Variants in BPTF observed in about 807,000 individuals in gnomAD.
BPTF encodes nucleosome-remodeling factor subunit BPTF.
BPTF carries 18 observed loss-of-function variants against 292.5 expected under a neutral mutation model. The observed-to-expected ratio is 0.06, with a 90% confidence interval of 0.04 to 0.09. The LOEUF is 0.09. Ranked by LOEUF, BPTF falls within the 10% of genes least tolerant of loss-of-function variation. The pLI is 1.00. For missense variants in BPTF, 2,726 were observed against 3,498.7 expected, an observed-to-expected ratio of 0.78 and a Z score of 5.57; for synonymous variants, 1,225 against 1,251.9, an observed-to-expected ratio of 0.98 and a Z score of 0.45.
chr17:67,837,981 T>G (rs2057263798), intron 1 of BPTF, among the ~76,000 whole-genome samples: 1 of 152,318 alleles, frequency 6.6e-6, no homozygotes. Context: ...CATAGAGAAG[T>G]CATTCTTGTG....
Position 67,911,436 on chromosome 17 carries a change from C to T in BPTF, c.3552C>T (p.Ser1184=). 6.2e-7 allele frequency: 1 copy of T among 1,614,080 alleles called. No homozygotes were observed. The highest frequency in any genetic ancestry group is 8.5e-7 in the Non-Finnish European group (1 of 1,179,994). The change falls in exon 11 of 28, where the codon TCC becomes TCT. Residue 1184 remains serine (S), a synonymous_variant. Transcript: ENST00000306378. The part of the protein sequence containing the change: ...SPETKCPKQN[S]IENDIEEKVS... ...AAACAAAATGTCCGAAACAAAATTC[C>T]ATTGAAAATGACATAGAAGAAAAAG...
intron 26 of BPTF, chr17:67,974,121 C>G (rs2069111346): frequency 6.6e-6 from 1 of 152,152 alleles, no homozygotes; most frequent in African/African-American, 2.4e-5. Flanking sequence ...AATGTGTTGT[C>G]TGTCTACCCT....
At chr17:67,839,184 T>C (rs1217220993) in intron 1 of BPTF, among the ~76,000 whole-genome samples, 1 of 151,268 alleles carries the variant, frequency 6.6e-6, no homozygotes, top group Non-Finnish European at 1.5e-5. Flanking sequence ...TCCAAAGCAA[T>C]GTTAAATGTT....
intron 1 of BPTF, among the ~76,000 whole-genome samples, chr17:67,839,498 G>T (rs574557506): frequency 1.3e-5 from 2 of 152,206 alleles, no homozygotes; most frequent in African/African-American, 4.8e-5. Flanking sequence ...TTACATTCCT[G>T]CAGCAAACCT....
rs533722586 is a variant in BPTF at position 67,974,068 on chromosome 17, A to G, written c.8540-1704A>G. On this transcript the variant is annotated intron_variant, in intron 26 of 27. Transcript: ENST00000306378. ...CTTTTATTTATTGGTTGAACTTCCA[A>G]ATCACTTTCAAATTCTAAAATATTC... 3.9e-5 allele frequency: 6 copies of G among 152,312 alleles called. 1 individual carries two copies. The highest frequency in any genetic ancestry group is 1.4e-4 in the African/African-American group (6 of 41,566). The allele number at this position is 152,312 out of a possible 1,614,324, so 9.4% of individuals were successfully genotyped here. A position where few individuals can be genotyped will look rare whatever the true frequency, so the allele number is the denominator to read the frequency against.
intron 22 of BPTF, 92 bp downstream of exon 22, chr17:67,947,900 T>C (rs779658350): frequency 3.0e-6 from 4 of 1,329,028 alleles, no homozygotes; most frequent in Admixed American, 2.4e-5. Flanking sequence ...TTTATCTTGA[T>C]TGAAGTTCAT....
At chr17:67,953,260 CTT>C (rs57310551) in intron 23 of BPTF, among the ~76,000 whole-genome samples, 8 of 122,878 alleles carry the variant, frequency 6.5e-5, no homozygotes, top group Non-Finnish European at 5.2e-5. Context: ...CGCGCCTGGC[CTT>C]TTTTTTTTTT....
chr17:67,844,747 T>A (rs1259509891), intron 1 of BPTF, among the ~76,000 whole-genome samples: 10 of 151,916 alleles, frequency 6.6e-5, no homozygotes, highest in South Asian at 2.1e-4. Context: ...CTGATTTTTT[T>A]ATTTATTTTT....
intron 2 of BPTF, among the ~76,000 whole-genome samples, chr17:67,858,435 GT>G (rs1200858157): frequency 1.7e-4 from 26 of 151,882 alleles, no homozygotes; most frequent in Non-Finnish European, 3.7e-4. Context: ...AAAGTTTAAA[GT>G]TTACTGCTCT....
Position 67,866,518 on chromosome 17 carries a change from G to T in BPTF, c.1491G>T (p.Lys497Asn). 6.2e-7 allele frequency: 1 copy of T among 1,614,072 alleles called. No homozygotes were observed. Among genetic ancestry groups the T allele is most frequent in the Non-Finnish European group, 8.5e-7 (1 of 1,179,976 alleles). Residue 497 changes from lysine (K) to asparagine (N), a missense_variant, in exon 3 of 28, where the codon AAG (lysine) becomes AAT (asparagine). By Grantham distance (94) the Lys-to-Asn change is moderately conservative. Around this residue, in one of 22 missense-constraint regions of BPTF, gnomAD observed 187 missense variants for 201.5 expected, o/e 0.93. Transcript: ENST00000306378. ...AGAAAATTTGGTATTACAGCACAAA[G>T]GTCCAACTTGCAGAATTAATTGACT... ...NEKKIWYYST[K>N]VQLAELIDCL...
rs77207376 is a variant in BPTF, at chr17:67,859,429, A to G, written c.1436+4667A>G. On this transcript the variant is annotated intron_variant, in intron 2 of 27. Transcript: ENST00000306378. ...CCAAAATCATAGGGTTACAGGCCTG[A>G]GCCACCATGCCCTGCCTTGCAGGCA... Among the ~76,000 whole-genome samples, 59 of 152,330 alleles carry G rather than the reference A, an allele frequency of 3.9e-4. No individual in the cohort carries two copies. The East Asian group carries it at 0.01, about 27-fold the overall frequency.
intron 23 of BPTF, chr17:67,951,403 G>A (rs1555678453): frequency 6.6e-6 from 1 of 152,110 alleles, no homozygotes. Flanking sequence ...AGTATCACAG[G>A]ACCACAAAGA....
At chr17:67,855,663 G>T (rs2058646299) in intron 2 of BPTF, among the ~76,000 whole-genome samples, 1 of 152,174 alleles carries the variant, frequency 6.6e-6, no homozygotes, top group Non-Finnish European at 1.5e-5. Flanking sequence ...AGGGCATCAG[G>T]CAGGGTTATA....
intron 13 of BPTF, among the ~76,000 whole-genome samples, chr17:67,921,054 A>G (rs560768154): frequency 1.4e-4 from 21 of 151,650 alleles, no homozygotes; most frequent in African/African-American, 5.1e-4. Context: ...AAAACATACA[A>G]AAATTACAAA....
At chr17:67,933,150 C>T (rs893895194) in intron 18 of BPTF, among the ~76,000 whole-genome samples, 18 of 151,246 alleles carry the variant, frequency 1.2e-4, no homozygotes, top group African/African-American at 3.9e-4. Flanking sequence ...CTACTCTACT[C>T]GGGAGGCTGA....
chr17:67,924,279 T>A (rs930509891), intron 14 of BPTF, among the ~76,000 whole-genome samples: 1 of 152,208 alleles, frequency 6.6e-6, no homozygotes, highest in African/African-American at 2.4e-5. Context: ...CAGCTCCGAC[T>A]AACTTTTGTA....
At chr17:67,929,187 C>T in intron 16 of BPTF, 149 bp from the exon 17 acceptor site, 1 of 1,410,584 alleles carries the variant, frequency 7.1e-7, no homozygotes, top group Non-Finnish European at 9.3e-7. Flanking sequence ...TTTTCATCTC[C>T]TTTTCACTGA....
At chr17:67,884,879 C>T (rs1246263886) in intron 4 of BPTF, among the ~76,000 whole-genome samples, 1 of 151,826 alleles carries the variant, frequency 6.6e-6, no homozygotes, top group Non-Finnish European at 1.5e-5. Flanking sequence ...TGTAATTTTC[C>T]CTTCGTGTAT....
intron 4 of BPTF, chr17:67,886,005 A>T (rs1205267911): frequency 1.3e-6 from 1 of 753,402 alleles, no homozygotes. Flanking sequence ...TTACTGATAC[A>T]TGAACAGATT....
Sources: allele counts gnomAD v4.1 joint callset (sites outside exome capture counted in the v4.1 genomes callset), GRCh38; gene constraint gnomAD v4.1.1; regional missense constraint gnomAD v4.1.1; transcripts MANE v1.5; gene names NCBI Gene and HGNC (gene_info 2026-07-23, HGNC 2026-07-21).